The following FRMD4A variants were observed in gnomAD, a reference collection of about 807,000 sequenced individuals.
FRMD4A encodes the protein FERM domain containing 4A.
Under a neutral mutation model 129.1 loss-of-function variants are expected in FRMD4A, and 29 were observed. The ratio of observed to expected loss-of-function variants is 0.22; its 90% confidence interval spans 0.17 to 0.31. The LOEUF is 0.31. Ranked by LOEUF, FRMD4A falls within the 10% of genes least tolerant of loss-of-function variation. The probability of loss-of-function intolerance (pLI) is 1.00; values close to 1 mark genes in which losing one functional copy is unlikely to be tolerated. For missense variants in FRMD4A, 1,272 were observed against 1,375.8 expected (o/e 0.92, Z 1.19); for synonymous variants, 634 against 571.6 (o/e 1.11, Z -1.56).
chr10:13,890,645 G>C (rs978036405), intron 2 of FRMD4A: 1 of 985,182 alleles, frequency 1.0e-6, no homozygotes, highest in Non-Finnish European at 1.2e-6. Context: ...AGGAGGATTC[G>C]AACTGAAAGA....
At chr10:13,722,372 C>T (rs1040664170) in intron 12 of FRMD4A, among the ~76,000 whole-genome samples, 2 of 150,212 alleles carry the variant, frequency 1.3e-5, no homozygotes, top group Non-Finnish European at 3.0e-5. Flanking sequence ...GCTGGGACTA[C>T]AAGCATGCAC....
At chr10:13,742,979 C>A (rs1021486623) in intron 9 of FRMD4A, among the ~76,000 whole-genome samples, 3 of 152,192 alleles carry the variant, frequency 2.0e-5, no homozygotes, top group Non-Finnish European at 4.4e-5. Flanking sequence ...CTACCTTAAC[C>A]TCCAACTAGT....
chr10:14,216,150 A>G (rs1843069120), intron 2 of FRMD4A, among the ~76,000 whole-genome samples: 1 of 152,180 alleles, frequency 6.6e-6, no homozygotes, highest in South Asian at 2.1e-4. Flanking sequence ...ATTATTCCAA[A>G]ATTCCGTCCC....
intron 3 of FRMD4A, among the ~76,000 whole-genome samples, chr10:13,824,878 G>C (rs982485349): frequency 7.7e-6 from 1 of 130,316 alleles, no homozygotes; most frequent in Non-Finnish European, 1.6e-5. Context: ...CTAGGTGACA[G>C]AGCAAGACTC....
chr10:13,928,746 T>G (rs955214702), intron 2 of FRMD4A, among the ~76,000 whole-genome samples: 3 of 152,110 alleles, frequency 2.0e-5, no homozygotes, highest in African/African-American at 7.2e-5. Flanking sequence ...GCCCCATCCC[T>G]TTTCCCTCTG....
chr10:13,762,784 TG>T, intron 6 of FRMD4A, 104 bp from the exon 7 acceptor site: 2 of 740,926 alleles, frequency 2.7e-6, no homozygotes, highest in South Asian at 1.6e-5. Context: ...ACTTGAGCCC[TG>T]GAGTTTGAGA....
chr10:13,700,150 G>A (rs2134867107), intron 14 of FRMD4A, among the ~76,000 whole-genome samples: 1 of 150,290 alleles, frequency 6.7e-6, no homozygotes, highest in Middle Eastern at 3.4e-3. Flanking sequence ...GTCTCACTAT[G>A]TTGCCCAGGC....
Position 13,656,758 on chromosome 10 carries a change from C to T in FRMD4A, c.2831G>A (p.Arg944His), listed in dbSNP as rs1434178221. Residue 944 changes from arginine to histidine, a missense_variant, in exon 22 of 25, where the codon CGC (arginine) becomes CAC (histidine). Arg to His is a conservative substitution (Grantham distance 29). Around this residue, in one of 2 missense-constraint regions of FRMD4A, gnomAD observed 972 missense variants for 892.3 expected, o/e 1.09. Transcript: ENST00000357447. ...GGAGGTGGAGCTGGTGTGCGACAGG[C>T]GGCTGTGCTCCTTGTGCGAGGCGGT... ...RSTASHKEHSRLSHTSSTSSD... is the reference protein window; with the variant it reads ...RSTASHKEHSHLSHTSSTSSD... 1.9e-6 allele frequency: 3 copies of T among 1,598,304 alleles called. No individual in the cohort carries two copies. Among genetic ancestry groups the T allele is most frequent in the East Asian group, 2.3e-5 (1 of 43,064 alleles).
At chr10:13,695,253 G>C (rs907498641) in intron 14 of FRMD4A, among the ~76,000 whole-genome samples, 1 of 151,854 alleles carries the variant, frequency 6.6e-6, no homozygotes, top group South Asian at 2.1e-4. Context: ...TGGTTTTCCT[G>C]CCTTAGCCTC....
At chr10:13,918,042 C>T (rs2095030355) in intron 2 of FRMD4A, among the ~76,000 whole-genome samples, 1 of 152,222 alleles carries the variant, frequency 6.6e-6, no homozygotes, top group South Asian at 2.1e-4. Flanking sequence ...TTCAGCTGAC[C>T]TGCTGTTGAA....
intron 2 of FRMD4A, among the ~76,000 whole-genome samples, chr10:14,047,619 C>T (rs1273723760): frequency 2.0e-5 from 3 of 152,124 alleles, no homozygotes; most frequent in Non-Finnish European, 4.4e-5. Context: ...AAAGAAGAGC[C>T]CCATTGTACT....
At chr10:14,117,317 C>T (rs745777580) in intron 2 of FRMD4A, among the ~76,000 whole-genome samples, 1 of 152,178 alleles carries the variant, frequency 6.6e-6, no homozygotes, top group Non-Finnish European at 1.5e-5. Context: ...GAGAGAGCCT[C>T]CAACAGCTAA....
intron 2 of FRMD4A, among the ~76,000 whole-genome samples, chr10:14,155,573 C>T (rs1840556324): frequency 6.6e-6 from 1 of 152,136 alleles, no homozygotes. Flanking sequence ...GGTTTCCTTA[C>T]ATTGTTATGA....
intron 6 of FRMD4A, among the ~76,000 whole-genome samples, chr10:13,770,631 T>A (rs192808505): frequency 6.6e-6 from 1 of 151,938 alleles, no homozygotes; most frequent in African/African-American, 2.4e-5. Flanking sequence ...TTTGTAGAGA[T>A]GGGGGTCTCA....
At chr10:14,234,438 G>A (rs1843734824) in intron 2 of FRMD4A, among the ~76,000 whole-genome samples, 2 of 152,132 alleles carry the variant, frequency 1.3e-5, no homozygotes, top group African/African-American at 4.8e-5. Flanking sequence ...GATCTCAGAG[G>A]GATCCCGGGG....
chr10:13,663,111 G>T (rs779728934), intron 19 of FRMD4A, among the ~76,000 whole-genome samples: 1 of 151,466 alleles, frequency 6.6e-6, no homozygotes, highest in Non-Finnish European at 1.5e-5. Flanking sequence ...AATCACTTGA[G>T]CCTAGGAGGC....
intron 2 of FRMD4A, among the ~76,000 whole-genome samples, chr10:14,049,046 C>A (rs1217636832): frequency 6.6e-6 from 1 of 152,016 alleles, no homozygotes. Flanking sequence ...TTCAGGAACT[C>A]CAGAGGCTTG....
At chr10:14,313,413 A>T (rs1399541475) in intron 2 of FRMD4A, among the ~76,000 whole-genome samples, 1 of 152,218 alleles carries the variant, frequency 6.6e-6, no homozygotes, top group Non-Finnish European at 1.5e-5. Context: ...TTTGCAAAAA[A>T]TGATATTAGC....
intron 2 of FRMD4A, among the ~76,000 whole-genome samples, chr10:14,174,769 G>T (rs1471274588): frequency 1.3e-5 from 2 of 152,074 alleles, no homozygotes; most frequent in East Asian, 3.9e-4. Flanking sequence ...AGTTTGGCCA[G>T]ATGTTTAGAG....
Sources: gnomAD v4.1 joint callset for allele counts (sites outside exome capture counted in the v4.1 genomes callset) on GRCh38, gnomAD v4.1.1 for gene constraint, gnomAD v4.1.1 regional missense constraint, MANE v1.5 for transcripts, NCBI Gene and HGNC (gene_info 2026-07-23, HGNC 2026-07-21) for gene names.